TMEM117: variants seen among roughly 807,000 people sequenced by gnomAD.
The protein encoded by TMEM117 is transmembrane protein 117.
A neutral mutation model predicts 52.4 loss-of-function variants in TMEM117; 27 were observed. The observed-to-expected ratio is 0.51, with a 90% CI of 0.38 to 0.71. The LOEUF is 0.71. Among genes scored for constraint, TMEM117 ranks in the 30% least tolerant of loss-of-function variants. The pLI, the probability that TMEM117 is intolerant of heterozygous loss-of-function variation, is 0.00. For synonymous variants in TMEM117, 215 were observed against 206.3 expected (o/e 1.04, Z -0.36); for missense variants, 556 against 630.5 (o/e 0.88, Z 1.26).
At chr12:44,004,713 A>G (rs1202632513) in intron 3 of TMEM117, among the ~76,000 whole-genome samples, 1 of 152,052 alleles carries the variant, frequency 6.6e-6, no homozygotes, top group Non-Finnish European at 1.5e-5. Flanking sequence ...GAGCATAAAT[A>G]TTGTCTACAA....
intron 2 of TMEM117, among the ~76,000 whole-genome samples, chr12:43,925,581 C>T (rs150443545): frequency 0.011 from 1,730 of 152,192 alleles, 25 homozygotes; most frequent in Non-Finnish European, 0.015. Flanking sequence ...GTCATCCATG[C>T]CAATGGTATG....
chr12:44,358,772 G>T (rs372117198), intron 6 of TMEM117, among the ~76,000 whole-genome samples: 2 of 152,124 alleles, frequency 1.3e-5, no homozygotes, highest in African/African-American at 4.8e-5. Context: ...TTGCATTTTT[G>T]GTACTTCAAG....
chr12:43,886,254 C>A (rs541797398), intron 2 of TMEM117, among the ~76,000 whole-genome samples: 2 of 151,890 alleles, frequency 1.3e-5, no homozygotes, highest in Non-Finnish European at 2.9e-5. Context: ...ATATAGAGGG[C>A]GGTGTACCTG....
At chr12:44,189,481 A>G in intron 4 of TMEM117, among the ~76,000 whole-genome samples, 1 of 152,182 alleles carries the variant, frequency 6.6e-6, no homozygotes, top group Non-Finnish European at 1.5e-5. Context: ...CAATAAAAGT[A>G]TTTACCTTAG....
chr12:44,025,691 C>G (rs1415055971), intron 3 of TMEM117, among the ~76,000 whole-genome samples: 2 of 151,976 alleles, frequency 1.3e-5, no homozygotes, highest in Non-Finnish European at 2.9e-5. Flanking sequence ...ATTTTTTATT[C>G]TACTAAATGA....
chr12:44,379,051 A>G (rs531540180), intron 7 of TMEM117, among the ~76,000 whole-genome samples: 11 of 151,918 alleles, frequency 7.2e-5, no homozygotes, highest in Non-Finnish European at 1.3e-4. Flanking sequence ...TGGGAGGCCA[A>G]GGCAGGAGGG....
the TMEM117 span, among the ~76,000 whole-genome samples, chr12:43,825,928 C>T: frequency 2.0e-5 from 3 of 152,204 alleles, no homozygotes; most frequent in Admixed American, 2.0e-4. Flanking sequence ...AGTTTCTTGC[C>T]TGAGTTGTAT....
chr12:43,815,376 G>T, the TMEM117 span, among the ~76,000 whole-genome samples: 10 of 152,184 alleles, frequency 6.6e-5, no homozygotes, highest in African/African-American at 1.2e-4. Context: ...TAGGAAGTCA[G>T]GGAAGTTTCT....
chr12:44,358,629 A>T lies in TMEM117; in HGVS notation c.769-17966A>T, dbSNP rs191981562. Among the ~76,000 whole-genome samples the T allele has an allele frequency of 2.0e-4, 31 of 152,300 alleles. 1 individual carries two copies. The highest frequency in any genetic ancestry group is 9.2e-4 in the Admixed American group (14 of 15,288). ...ATAGATTGGAAATGTATTCAGTTGG[A>T]ACCAAGCCAGGGAAGGGGGAGAGAA... On this transcript the variant is annotated intron_variant, in intron 6 of 7. Coordinates refer to ENST00000266534, the MANE Select transcript of TMEM117 (RefSeq NM_032256.3).
chr12:43,920,766 C>A (rs927654869), intron 2 of TMEM117, among the ~76,000 whole-genome samples: 1 of 152,062 alleles, frequency 6.6e-6, no homozygotes, highest in Admixed American at 6.6e-5. Context: ...AAAATCCATC[C>A]TTTAAAATGT....
At chr12:43,933,872 T>A (rs890167490) in intron 2 of TMEM117, among the ~76,000 whole-genome samples, 1 of 152,226 alleles carries the variant, frequency 6.6e-6, no homozygotes, top group Admixed American at 6.5e-5. Context: ...AGAATTTCAA[T>A]AGTGACAATC....
At chr12:43,965,110 T>A (rs1945463877) in intron 3 of TMEM117, among the ~76,000 whole-genome samples, 1 of 152,212 alleles carries the variant, frequency 6.6e-6, no homozygotes, top group African/African-American at 2.4e-5. Flanking sequence ...TCTATGCTAG[T>A]AATGTTACAG....
At chr12:43,969,524 A>AG (rs1469629948) in intron 3 of TMEM117, among the ~76,000 whole-genome samples, 1 of 150,278 alleles carries the variant, frequency 6.7e-6, no homozygotes, top group Non-Finnish European at 1.5e-5. Flanking sequence ...TCTGTATCAA[A>AG]AAAATAATAA....
chr12:43,831,409 C>T (rs543511948), upstream of TMEM117, among the ~76,000 whole-genome samples: 12 of 151,608 alleles, frequency 7.9e-5, no homozygotes, highest in African/African-American at 2.9e-4. Context: ...AAAGCTCTCA[C>T]CAATTTTTGA....
chr12:43,953,964 A>G (rs1158861546), intron 3 of TMEM117, among the ~76,000 whole-genome samples: 45 of 152,256 alleles, frequency 3.0e-4, no homozygotes, highest in Non-Finnish European at 1.0e-4. Context: ...CTCTCAGACC[A>G]CAGTGAAATC....
At chr12:44,350,686 G>T (rs1308361792) in intron 6 of TMEM117, among the ~76,000 whole-genome samples, 1 of 151,892 alleles carries the variant, frequency 6.6e-6, no homozygotes, top group Non-Finnish European at 1.5e-5. Flanking sequence ...TGTTGTTGCA[G>T]ATGGCAGGAT....
In TMEM117 at chr12:43,944,177, G is replaced by A. The variant is rs547358168; in HGVS notation, c.278-33G>A. ...AGATCCATGAATTTTGAGTTACAGT[G>A]TACATTAATTTTTAATAATATTTGT... On this transcript the variant is annotated intron_variant, in intron 2 of 7. Coordinates refer to ENST00000266534, the MANE Select transcript of TMEM117 (RefSeq NM_032256.3). The A allele has an allele frequency of 1.9e-6, 3 of 1,577,754 alleles. No homozygotes were observed. The African/African-American group carries it at 4.1e-5, about 21-fold the overall frequency.
chr12:44,029,084 G>C (rs185737279), intron 3 of TMEM117, among the ~76,000 whole-genome samples: 341 of 152,306 alleles, frequency 2.2e-3, no homozygotes, highest in Admixed American at 4.6e-3. Flanking sequence ...AATTAGGTTA[G>C]AGGCTTAACT....
intron 7 of TMEM117, among the ~76,000 whole-genome samples, chr12:44,387,663 A>C (rs1952107573): frequency 6.6e-6 from 1 of 152,156 alleles, no homozygotes; most frequent in Non-Finnish European, 1.5e-5. Flanking sequence ...CTTTTCTAAG[A>C]ATTTCATTAG....
Sources: allele counts gnomAD v4.1 joint callset (sites outside exome capture counted in the v4.1 genomes callset), GRCh38; gene constraint gnomAD v4.1.1; transcripts MANE v1.5; gene names NCBI Gene and HGNC (gene_info 2026-07-23, HGNC 2026-07-21).